Variants in GAB3 observed in about 807,000 individuals in gnomAD.
The protein encoded by GAB3 is GRB2-associated-binding protein 3.
GAB3 carries 12 observed loss-of-function variants against 40.4 expected under a neutral mutation model. That is an observed-to-expected ratio of 0.30 (90% CI 0.19 to 0.48). GAB3 has a LOEUF of 0.48. GAB3 is among the 20% of genes least tolerant of loss of function. The pLI is 0.99. For synonymous variants in GAB3, 154 were observed against 176.7 expected, an observed-to-expected ratio of 0.87 and a Z score of 1.02; for missense variants, 381 against 461.9, an observed-to-expected ratio of 0.82 and a Z score of 1.61.
intron 9 of GAB3, 98 bp from the exon 10 acceptor site, chrX:154,678,392 T>C (rs782647526): frequency 6.7e-5 from 35 of 518,861 alleles, no homozygotes; most frequent in Non-Finnish European, 1.0e-4. Flanking sequence ...TTTGTTGCCC[T>C]TTCCTCTGTG....
At chrX:154,712,737 C>T in intron 3 of GAB3, 36 bp from the exon 4 acceptor site, 1 of 930,738 alleles carries the variant, frequency 1.1e-6, no homozygotes, top group Non-Finnish European at 1.5e-6. Flanking sequence ...GACTAAAATG[C>T]AGCCATCCAC....
chrX:154,730,515 G>A (rs1487713360), intron 1 of GAB3, among the ~76,000 whole-genome samples: 1 of 112,188 alleles, frequency 8.9e-6, no homozygotes, highest in South Asian at 3.7e-4. Flanking sequence ...CCCAAGACCT[G>A]CTCCTCTAAG....
intron 1 of GAB3, among the ~76,000 whole-genome samples, chrX:154,748,635 T>C (rs377577715): frequency 1.8e-5 from 2 of 112,859 alleles, no homozygotes; most frequent in African/African-American, 6.4e-5. Context: ...CTTCCATTTG[T>C]AACAGCAAAC....
chrX:154,706,970 C>T (rs921859943), intron 4 of GAB3, among the ~76,000 whole-genome samples: 7 of 107,043 alleles, frequency 6.5e-5, no homozygotes, highest in African/African-American at 1.4e-4. Flanking sequence ...CATCAAACTA[C>T]GTCAATTCAA....
At chrX:154,690,348 C>T (rs1344437006) in intron 8 of GAB3, among the ~76,000 whole-genome samples, 1 of 112,033 alleles carries the variant, frequency 8.9e-6, no homozygotes, top group South Asian at 3.7e-4. Flanking sequence ...ATTCAGGACA[C>T]AGGCATGGGC....
chrX:154,745,793 T>G (rs1377454293), intron 1 of GAB3, among the ~76,000 whole-genome samples: 1 of 111,784 alleles, frequency 8.9e-6, no homozygotes, highest in Non-Finnish European at 1.9e-5. Context: ...GGCTCACACC[T>G]GTAATCCTAG....
chrX:154,698,294 G>A (rs1390927578), intron 6 of GAB3, among the ~76,000 whole-genome samples: 1 of 111,815 alleles, frequency 8.9e-6, no homozygotes, highest in African/African-American at 3.3e-5. Flanking sequence ...TGGTCCAGGT[G>A]GATTTTACAT....
chrX:154,692,497 T>C (rs966650478), intron 8 of GAB3, among the ~76,000 whole-genome samples: 9 of 111,915 alleles, frequency 8.0e-5, no homozygotes, highest in Non-Finnish European at 7.5e-5. Context: ...TTATAAAAAA[T>C]GATAAATAGG....
chrX:154,724,164 T>G (rs1371963400), intron 1 of GAB3, among the ~76,000 whole-genome samples: 3 of 110,131 alleles, frequency 2.7e-5, no homozygotes, highest in Non-Finnish European at 5.7e-5. Flanking sequence ...CTGACCAACA[T>G]GGTGAAACCC....
At chrX:154,749,196 C>T (rs1435341653) in intron 1 of GAB3, among the ~76,000 whole-genome samples, 4 of 111,770 alleles carry the variant, frequency 3.6e-5, no homozygotes, top group Non-Finnish European at 5.6e-5. Flanking sequence ...AGGAATGAAC[C>T]GCGTGTGATA....
At position 154,715,320 on chromosome X, in the gene GAB3, C is replaced by A. The variant is rs782762057; in HGVS notation, c.376+706G>T. ...TGTTGCAATAATGTCAGGGGCTCAACAACAAAATCCATGAAGGGAAGTTAA... is the reference window on the plus strand; with the variant it reads ...TGTTGCAATAATGTCAGGGGCTCAAAAACAAAATCCATGAAGGGAAGTTAA... On this transcript the variant is annotated intron_variant, in intron 2 of 9. Transcript: ENST00000424127. 9.9e-5 allele frequency among the ~76,000 whole-genome samples: 11 copies of A among 111,105 alleles called. No individual in the cohort carries two copies. In the South Asian group the frequency reaches 3.1e-3, roughly 31 times the overall value.
At chrX:154,718,623 G>C (rs2071083106) in intron 1 of GAB3, among the ~76,000 whole-genome samples, 1 of 111,131 alleles carries the variant, frequency 9.0e-6, no homozygotes, top group Non-Finnish European at 1.9e-5. Context: ...TGTGGGGTTT[G>C]AAAGTGGGAA....
intron 8 of GAB3, among the ~76,000 whole-genome samples, chrX:154,693,571 T>C (rs1402127096): frequency 9.0e-6 from 1 of 111,717 alleles, no homozygotes; most frequent in African/African-American, 3.3e-5. Flanking sequence ...AGATCAATGG[T>C]TGCTAGGGGT....
At chrX:154,723,674 C>T (rs1381923432) in intron 1 of GAB3, among the ~76,000 whole-genome samples, 3 of 111,578 alleles carry the variant, frequency 2.7e-5, no homozygotes, top group African/African-American at 9.8e-5. Flanking sequence ...AGGTCATGAG[C>T]AGCTTGGGAA....
At chrX:154,717,046 CT>C (rs2071056617) in intron 1 of GAB3, among the ~76,000 whole-genome samples, 1 of 111,879 alleles carries the variant, frequency 8.9e-6, no homozygotes, top group Admixed American at 9.4e-5. Context: ...CATCTTATGT[CT>C]GATAAAATTG....
chrX:154,691,035 C>T (rs1490033616), intron 8 of GAB3, among the ~76,000 whole-genome samples: 50 of 110,220 alleles, frequency 4.5e-4, no homozygotes, highest in Non-Finnish European at 4.4e-4. Context: ...CCAACAATGA[C>T]AGACTGGATT....
In GAB3 at chrX:154,694,016, C is replaced by G. The variant is rs186098632; in HGVS notation, c.1530+1901G>C. 7.5e-4 allele frequency among the ~76,000 whole-genome samples: 83 copies of G among 110,287 alleles called. No homozygotes were observed. In the East Asian group the frequency reaches 0.021, roughly 28 times the overall value. ...CTGGCCTTAATCACTACATTCAGAT[C>G]AGAACTTGCCCTTAAAGAGAAAAAA... On this transcript the variant is annotated intron_variant, in intron 8 of 9. Transcript: ENST00000424127.
rs1319115260 is a variant in GAB3 at position 154,751,037 on chromosome X, C to T, written c.-12G>A. On this transcript the variant is annotated 5_prime_UTR_variant, in exon 1 of 10. Transcript: ENST00000424127. The stretch of plus-strand genomic sequence containing the variant: ...TCGCCCGCACTCATCGTGGCCGCCG[C>T]CGCCGCTTCCTCCAGCTGGGCCAGC... The T allele has an allele frequency of 3.8e-6, 3 of 796,109 alleles. No individual in the cohort carries two copies. The highest frequency in any genetic ancestry group is 4.5e-6 in the Non-Finnish European group (3 of 664,653). 65.6% of individuals were successfully genotyped at this position (796,109 alleles called of 1,213,427 possible).
At chrX:154,750,398 T>C (rs2071594675) in intron 1 of GAB3, among the ~76,000 whole-genome samples, 2 of 112,430 alleles carry the variant, frequency 1.8e-5, no homozygotes, top group South Asian at 7.3e-4. Context: ...GGTGTCAGCA[T>C]TAAGAAGAAG....
Sources: gnomAD v4.1 joint callset for allele counts (sites outside exome capture counted in the v4.1 genomes callset) on GRCh38, gnomAD v4.1.1 for gene constraint, MANE v1.5 for transcripts, NCBI Gene and HGNC (gene_info 2026-07-23, HGNC 2026-07-21) for gene names.